Variants in SNU13 observed in about 807,000 individuals in gnomAD.
SNU13 encodes NHP2-like protein 1.
In SNU13, 2 loss-of-function variants were observed where a neutral mutation model predicts 12.4. That is an observed-to-expected ratio of 0.16 (90% CI 0.07 to 0.51). The LOEUF (loss-of-function observed/expected upper bound fraction) is 0.51, where lower values mean the gene tolerates loss of function less well. Among genes scored for constraint, SNU13 ranks in the 20% least tolerant of loss-of-function variants. The pLI is 0.96. For synonymous variants in SNU13, 68 were observed against 66.5 expected (o/e 1.02, Z -0.11); for missense variants, 66 against 157.8 (o/e 0.42, Z 3.12).
At chr22:41,678,999 T>C (rs774235245) in intron 2 of SNU13, among the ~76,000 whole-genome samples, 4 of 152,204 alleles carry the variant, frequency 2.6e-5, no homozygotes, top group Non-Finnish European at 5.9e-5. Context: ...TCACGCCTGC[T>C]GTTATCCTAA....
upstream of SNU13, chr22:41,688,942 G>C: frequency 1.4e-6 from 2 of 1,394,594 alleles, no homozygotes; most frequent in African/African-American, 1.4e-5. Flanking sequence ...CGAGCGAGTG[G>C]GCCCCGCCCT....
At position 41,674,826 on chromosome 22, in the gene SNU13, T is replaced by C. The variant is rs975996090; in HGVS notation, c.*107A>G. On this transcript the variant is annotated 3_prime_UTR_variant, in exon 3 of 3. Transcript: ENST00000401959. ...CCAGAAACCAGATTTAGTACTACAT[T>C]TTATAACAATAGAGAGTAGCTGAAA... 28 of 1,443,322 alleles carry C rather than the reference T, an allele frequency of 1.9e-5. No individual in the cohort carries two copies. The highest frequency in any genetic ancestry group is 2.6e-5 in the Non-Finnish European group (28 of 1,068,636). The allele number at this position is 1,443,322 out of a possible 1,614,324, so 89.4% of individuals were successfully genotyped here.
intron 1 of SNU13, chr22:41,688,225 A>T (rs2068327761): frequency 6.6e-6 from 1 of 152,372 alleles, no homozygotes; most frequent in Non-Finnish European, 1.5e-5. Flanking sequence ...AGTCGCGCTC[A>T]CTTCATGTTC....
intron 1 of SNU13, among the ~76,000 whole-genome samples, chr22:41,685,542 C>A (rs1033119333): frequency 1.3e-5 from 2 of 151,280 alleles, no homozygotes; most frequent in African/African-American, 2.4e-5. Context: ...TTAGTAAAGA[C>A]GGGGTTTCAC....
At position 41,674,923 on chromosome 22, in the gene SNU13, G is replaced by C. The variant is rs1362754446; in HGVS notation, c.*10C>G. ...AAGCTGGCAGGGAGCACGTGGCAGAGGCCACAGGTTTAGACTAAGAGCCTT... is the reference window on the plus strand; with the variant it reads ...AAGCTGGCAGGGAGCACGTGGCAGACGCCACAGGTTTAGACTAAGAGCCTT... On this transcript the variant is annotated 3_prime_UTR_variant, in exon 3 of 3. Transcript: ENST00000401959. The C allele has an allele frequency of 5.6e-6, 9 of 1,608,896 alleles. No homozygotes were observed. Among genetic ancestry groups the C allele is most frequent in the Non-Finnish European group, 7.7e-6 (9 of 1,176,398 alleles).
At chr22:41,684,051 G>A (rs748624239) in intron 1 of SNU13, among the ~76,000 whole-genome samples, 13 of 152,022 alleles carry the variant, frequency 8.6e-5, no homozygotes, top group African/African-American at 3.1e-4. Context: ...TTACAGGTGC[G>A]CGTCACCACA....
At chr22:41,688,751 G>C in intron 1 of SNU13, 43 bp downstream of exon 1, 1 of 1,598,186 alleles carries the variant, frequency 6.3e-7, no homozygotes, top group Non-Finnish European at 8.6e-7. Context: ...ACGCAACCCT[G>C]AGTCTCCCGC....
chr22:41,677,291 G>A (rs1439507446), intron 2 of SNU13, among the ~76,000 whole-genome samples: 4 of 152,180 alleles, frequency 2.6e-5, no homozygotes, highest in Non-Finnish European at 4.4e-5. Context: ...CTGGGAGGCT[G>A]AGGCAGGTAG....
chr22:41,682,935 C>T (rs984471037), intron 1 of SNU13, among the ~76,000 whole-genome samples: 1 of 152,116 alleles, frequency 6.6e-6, no homozygotes, highest in Non-Finnish European at 1.5e-5. Context: ...AGGCATGAGC[C>T]ACCGCACCTG....
chr22:41,687,644 G>A (rs1048436001), intron 1 of SNU13: 1 of 152,198 alleles, frequency 6.6e-6, no homozygotes, highest in Non-Finnish European at 1.5e-5. Flanking sequence ...TACCTAGCAT[G>A]ATCAGTTTGG....
chr22:41,679,691 C>CT (rs2068246022), intron 2 of SNU13: 4 of 144,702 alleles, frequency 2.8e-5, no homozygotes, highest in African/African-American at 1.0e-4. Context: ...TTTTTTTTTC[C>CT]TTTTTTACAA....
At chr22:41,675,779 C>G (rs1267887094) in intron 2 of SNU13, among the ~76,000 whole-genome samples, 1 of 142,342 alleles carries the variant, frequency 7.0e-6, no homozygotes, top group Non-Finnish European at 1.5e-5. Flanking sequence ...GAGATGGAGT[C>G]TCACACTGTC....
In SNU13 at chr22:41,688,624, G is replaced by A. The variant is rs1453243403; in HGVS notation, c.3+170C>T. ...TTTCCTGAGTTCTAACCTCGGGCCA[G>A]GCTGCTGGGACCCCGCCGCTGCTGG... On this transcript the variant is annotated intron_variant, in intron 1 of 2. Transcript: ENST00000401959. 2.6e-5 allele frequency among the ~76,000 whole-genome samples: 4 copies of A among 152,230 alleles called. No individual in the cohort carries two copies. The East Asian group carries it at 7.7e-4, about 29-fold the overall frequency.
intron 1 of SNU13, among the ~76,000 whole-genome samples, chr22:41,685,968 CAAAA>C (rs546316422): frequency 4.8e-5 from 6 of 126,062 alleles, no homozygotes; most frequent in South Asian, 2.6e-4. Flanking sequence ...GACTCTGTCT[CAAAA>C]AAAAAAAAAA....
intron 2 of SNU13, among the ~76,000 whole-genome samples, chr22:41,679,061 C>G (rs372330872): frequency 2.0e-5 from 3 of 152,110 alleles, no homozygotes; most frequent in African/African-American, 7.2e-5. Context: ...AGTTTAAGAC[C>G]AGCCTGGGCG....
Position 41,680,377 on chromosome 22 carries a change from C to A in SNU13, c.4-13G>T, listed in dbSNP as rs5758405. On this transcript the variant is annotated splice_polypyrimidine_tract_variant and intron_variant, in intron 1 of 2. Coordinates refer to ENST00000401959, the MANE Select transcript of SNU13 (RefSeq NM_001003796.2). ...CATCAGCCTCAGTCTATGGGGGGGACATAAAAATATCAGACAAATTGAGCC... is the reference window on the plus strand; with the variant it reads ...CATCAGCCTCAGTCTATGGGGGGGAAATAAAAATATCAGACAAATTGAGCC... 1,258,928 of 1,592,354 alleles carry A rather than the reference C, an allele frequency of 0.79. 504,165 individuals carry two copies. The highest frequency in any genetic ancestry group is 0.92 in the East Asian group (40,955 of 44,440).
chr22:41,688,407 T>C (rs1240065708), intron 1 of SNU13: 1 of 184,082 alleles, frequency 5.4e-6, no homozygotes, highest in East Asian at 1.3e-4. Flanking sequence ...CACGCCATCG[T>C]AGATTTCGTA....
chr22:41,683,236 G>T (rs966576470), intron 1 of SNU13, among the ~76,000 whole-genome samples: 2 of 152,132 alleles, frequency 1.3e-5, no homozygotes, highest in African/African-American at 4.8e-5. Flanking sequence ...CTGACCTCAA[G>T]TGATCCGCTT....
chr22:41,687,610 A>G (rs1417874373), intron 1 of SNU13: 2 of 152,212 alleles, frequency 1.3e-5, no homozygotes, highest in African/African-American at 4.8e-5. Context: ...GAATGATATC[A>G]TACCACCAGC....
Sources: allele counts gnomAD v4.1 joint callset (sites outside exome capture counted in the v4.1 genomes callset), GRCh38; gene constraint gnomAD v4.1.1; transcripts MANE v1.5; gene names NCBI Gene and HGNC (gene_info 2026-07-23, HGNC 2026-07-21).